The following CGNL1 variants were observed in gnomAD, a reference collection of about 807,000 sequenced individuals.
CGNL1 encodes cingulin-like protein 1.
In CGNL1, 132 loss-of-function variants were observed where a neutral mutation model predicts 141.2. The observed-to-expected ratio is 0.93, with a 90% CI of 0.81 to 1.08. The LOEUF (loss-of-function observed/expected upper bound fraction) is 1.08. CGNL1 is among the 50% of genes least tolerant of loss of function. The pLI is 0.00. For synonymous variants in CGNL1, 690 were observed against 622.1 expected, an observed-to-expected ratio of 1.11 and a Z score of -1.63; for missense variants, 1,870 against 1,588.6, an observed-to-expected ratio of 1.18 and a Z score of -3.01.
At chr15:57,478,530 C>G (rs554070261) in intron 8 of CGNL1, among the ~76,000 whole-genome samples, 2 of 152,288 alleles carry the variant, frequency 1.3e-5, no homozygotes, top group East Asian at 3.9e-4. Flanking sequence ...GAAATAAAGC[C>G]TGCTCCAGAG....
At chr15:57,444,748 G>A (rs1158566484) in intron 4 of CGNL1, among the ~76,000 whole-genome samples, 1 of 152,168 alleles carries the variant, frequency 6.6e-6, no homozygotes, top group Non-Finnish European at 1.5e-5. Context: ...AGGGAATTTA[G>A]TGTAGTGGGA....
chr15:57,428,413 G>A (rs1438040671), intron 1 of CGNL1, among the ~76,000 whole-genome samples: 1 of 152,234 alleles, frequency 6.6e-6, no homozygotes, highest in East Asian at 1.9e-4. Flanking sequence ...GAGAAGAGGT[G>A]CTGTGAGGAT....
rs778318742 is a variant in CGNL1, at chr15:57,461,742, C to G, written c.2253C>G (p.Asp751Glu). The change falls in exon 8 of 19, where the codon GAC becomes GAG. Residue 751 changes from aspartate (D) to glutamate (E), a missense_variant. Transcript: ENST00000281282. ...DLLIAKEEQE[D>E]LLRKRERELT... ...TGATTGCCAAAGAGGAGCAAGAAGA[C>G]CTCTTGAGAAAGCGAGAGCGTGAAC... is the stretch of plus-strand genomic sequence containing the variant. 22 of 1,614,136 alleles carry G rather than the reference C, an allele frequency of 1.4e-5. No homozygotes were observed. Among genetic ancestry groups the G allele is most frequent in the Non-Finnish European group, 1.9e-5 (22 of 1,180,026 alleles).
chr15:57,447,805 C>T (rs1271032311), intron 4 of CGNL1, among the ~76,000 whole-genome samples: 3 of 144,358 alleles, frequency 2.1e-5, no homozygotes, highest in African/African-American at 2.5e-5. Flanking sequence ...TCTCTCTTTT[C>T]GTGTGTGTGT....
chr15:57,418,770 T>C (rs2062879209), intron 1 of CGNL1, among the ~76,000 whole-genome samples: 1 of 152,148 alleles, frequency 6.6e-6, no homozygotes, highest in South Asian at 2.1e-4. Flanking sequence ...AAGAGCAGTG[T>C]TCTGAGACCT....
At position 57,500,411 on chromosome 15, in the gene CGNL1, G is replaced by A. The variant is rs115014800; in HGVS notation, c.2404-16369G>A. ...TTGGCATCAAGGCCATCAACTTCCC[G>A]CCACGGCTGAGATGTCCCTGTGTGA... is the stretch of plus-strand genomic sequence containing the variant. On this transcript the variant is annotated intron_variant, in intron 8 of 18. Coordinates refer to ENST00000281282, the MANE Select transcript of CGNL1 (RefSeq NM_032866.5). 4.0e-3 allele frequency among the ~76,000 whole-genome samples: 605 copies of A among 152,276 alleles called. 4 individuals carry two copies. Among genetic ancestry groups the A allele is most frequent in the African/African-American group, 0.014 (565 of 41,542 alleles).
chr15:57,443,160 G>A (rs1326787057), intron 4 of CGNL1, among the ~76,000 whole-genome samples: 1 of 152,188 alleles, frequency 6.6e-6, no homozygotes, highest in Non-Finnish European at 1.5e-5. Context: ...TGGTGCAGGG[G>A]ACAGGAAAGA....
chr15:57,515,425 G>C (rs1191667793), intron 8 of CGNL1, among the ~76,000 whole-genome samples: 1 of 152,218 alleles, frequency 6.6e-6, no homozygotes, highest in Non-Finnish European at 1.5e-5. Context: ...CTATATAAGT[G>C]AGCAGTTCTA....
intron 8 of CGNL1, among the ~76,000 whole-genome samples, chr15:57,499,918 G>A (rs2063998195): frequency 6.6e-6 from 1 of 152,174 alleles, no homozygotes; most frequent in African/African-American, 2.4e-5. Context: ...CCAGGCTGAG[G>A]GGAGTTTGGA....
chr15:57,439,074 A>G lies in CGNL1; in HGVS notation c.1075A>G (p.Lys359Glu). 2 of 1,613,982 alleles carry G rather than the reference A, an allele frequency of 1.2e-6. No individual in the cohort carries two copies. The highest frequency in any genetic ancestry group is 1.6e-4 in the Middle Eastern group (1 of 6,062). Residue 359 changes from lysine to glutamate, a missense_variant, in exon 2 of 19, where the codon AAA (lysine) becomes GAA (glutamate). Coordinates refer to ENST00000281282, the MANE Select transcript of CGNL1 (RefSeq NM_032866.5). The stretch of plus-strand genomic sequence containing the variant: ...TCCTGGTGTGGATCAGTTAATTGAA[A>G]AATTTGATCAAAAACCTGGGCTTCA... ...SIPGVDQLIEKFDQKPGLQRR... is the reference protein window; with the variant it reads ...SIPGVDQLIEEFDQKPGLQRR...
At chr15:57,384,893 C>T (rs540963118) in intron 1 of CGNL1, among the ~76,000 whole-genome samples, 4 of 152,252 alleles carry the variant, frequency 2.6e-5, no homozygotes, top group African/African-American at 7.2e-5. Context: ...AACAGACAAG[C>T]CTTAAGTAAA....
chr15:57,477,689 T>A (rs1355737131), intron 8 of CGNL1: 2 of 152,278 alleles, frequency 1.3e-5, no homozygotes, highest in African/African-American at 4.8e-5. Flanking sequence ...CTTTGCTGCT[T>A]GGTTTTGGGG....
intron 14 of CGNL1, among the ~76,000 whole-genome samples, chr15:57,536,638 A>G (rs1329655356): frequency 2.6e-5 from 4 of 152,316 alleles, no homozygotes; most frequent in African/African-American, 9.6e-5. Context: ...GTCTGTTTAA[A>G]TCCAGAGTAA....
intron 8 of CGNL1, among the ~76,000 whole-genome samples, chr15:57,501,133 C>G (rs1021053652): frequency 2.0e-5 from 3 of 152,164 alleles, no homozygotes; most frequent in African/African-American, 7.2e-5. Context: ...GTACCAGGTG[C>G]TGGGCTGGGC....
intron 8 of CGNL1, among the ~76,000 whole-genome samples, chr15:57,493,194 T>G (rs543931823): frequency 6.6e-6 from 1 of 152,362 alleles, no homozygotes; most frequent in African/African-American, 2.4e-5. Flanking sequence ...ATCATATTGA[T>G]CCTCTTGCCT....
intron 1 of CGNL1, among the ~76,000 whole-genome samples, chr15:57,389,633 G>A (rs1360935456): frequency 6.6e-6 from 1 of 152,144 alleles, no homozygotes; most frequent in African/African-American, 2.4e-5. Flanking sequence ...TTATGTATAG[G>A]AGTGCTCTGT....
chr15:57,508,376 C>A (rs2029909627), intron 8 of CGNL1, among the ~76,000 whole-genome samples: 1 of 152,142 alleles, frequency 6.6e-6, no homozygotes, highest in African/African-American at 2.4e-5. Context: ...TGGCTCAACC[C>A]CATCTTGCCC....
intron 1 of CGNL1, among the ~76,000 whole-genome samples, chr15:57,430,951 G>A (rs12899453): frequency 0.59 from 89,659 of 151,948 alleles, 27,344 homozygotes; most frequent in East Asian, 0.71. Flanking sequence ...CGAATTCCTG[G>A]CCGCAGGTGA....
intron 8 of CGNL1, among the ~76,000 whole-genome samples, chr15:57,502,523 A>AG (rs2064039640): frequency 6.6e-6 from 1 of 152,208 alleles, no homozygotes; most frequent in Non-Finnish European, 1.5e-5. Flanking sequence ...GGGTAAGATG[A>AG]ATGAAATACA....
Sources: allele counts gnomAD v4.1 joint callset (sites outside exome capture counted in the v4.1 genomes callset), GRCh38; gene constraint gnomAD v4.1.1; transcripts MANE v1.5; gene names NCBI Gene and HGNC (gene_info 2026-07-23, HGNC 2026-07-21).